Variants in IQUB observed in about 807,000 individuals in gnomAD.
IQUB encodes the protein IQ motif and ubiquitin domain containing.
In IQUB, 86 loss-of-function variants were observed where a neutral mutation model predicts 86.4. The observed-to-expected ratio is 1.00, with a 90% confidence interval of 0.84 to 1.19. The LOEUF is 1.19. Among genes scored for constraint, IQUB ranks in the 50% most tolerant of loss-of-function variants. The pLI is 0.00. For synonymous variants in IQUB, 289 were observed against 304.5 expected (o/e 0.95, Z 0.53); for missense variants, 946 against 916.9 (o/e 1.03, Z -0.41).
intron 1 of IQUB, among the ~76,000 whole-genome samples, chr7:123,525,658 G>C (rs1427972412): frequency 6.6e-6 from 1 of 151,998 alleles, no homozygotes; most frequent in African/African-American, 2.4e-5. Context: ...ACCAGCTCCT[G>C]GATTCATTAA....
chr7:123,502,490 T>C, intron 6 of IQUB, 107 bp downstream of exon 6: 1 of 929,838 alleles, frequency 1.1e-6, no homozygotes, highest in African/African-American at 1.7e-5. Context: ...CCCATACTCA[T>C]GAGCATTCTT....
At chr7:123,523,523 C>G (rs1442488860) in intron 1 of IQUB, among the ~76,000 whole-genome samples, 3 of 152,136 alleles carry the variant, frequency 2.0e-5, no homozygotes, top group African/African-American at 4.8e-5. Context: ...GTCTGTTCAT[C>G]TCCTTTGCCC....
intron 10 of IQUB, among the ~76,000 whole-genome samples, chr7:123,462,994 T>C (rs962690776): frequency 5.9e-5 from 9 of 151,684 alleles, no homozygotes; most frequent in African/African-American, 2.2e-4. Flanking sequence ...TCTCCCACTA[T>C]GCAAACTAAA....
At chr7:123,523,666 T>C (rs1277348269) in intron 1 of IQUB, among the ~76,000 whole-genome samples, 1 of 151,930 alleles carries the variant, frequency 6.6e-6, no homozygotes, top group African/African-American at 2.4e-5. Flanking sequence ...CTGTTCACTC[T>C]GATGGTAGTT....
At chr7:123,458,169 G>A (rs1487775436) in intron 11 of IQUB, 1 of 151,934 alleles carries the variant, frequency 6.6e-6, no homozygotes, top group Non-Finnish European at 1.5e-5. Flanking sequence ...TAATCAAAAA[G>A]AGGGGTAATG....
intron 10 of IQUB, chr7:123,462,816 A>AGAT (rs1231712931): frequency 6.6e-6 from 3 of 455,300 alleles, no homozygotes; most frequent in Middle Eastern, 3.2e-4. Flanking sequence ...TGCCATGGAA[A>AGAT]GATATTCTCC....
At chr7:123,504,512 T>C (rs1796091313) in intron 3 of IQUB, among the ~76,000 whole-genome samples, 2 of 152,042 alleles carry the variant, frequency 1.3e-5, no homozygotes, top group African/African-American at 4.8e-5. Context: ...GGAGCATGGC[T>C]GGGGAGGCCT....
rs1793971178 is a variant in IQUB at position 123,461,338 on chromosome 7, C to T, written c.2007+19G>A. The T allele has an allele frequency of 3.8e-6, 6 of 1,581,982 alleles. No homozygotes were observed. The East Asian group carries it at 1.1e-4, about 30-fold the overall frequency. On this transcript the variant is annotated intron_variant, in intron 11 of 12. Coordinates refer to ENST00000324698, the MANE Select transcript of IQUB (RefSeq NM_178827.5). ...CTTGACAAGCTTCAGCTATAATTGG[C>T]ACCCCTTATTGACCATACCTGCATC... is the stretch of plus-strand genomic sequence containing the variant.
At position 123,457,904 on chromosome 7, in the gene IQUB, C is replaced by T. The variant is rs546067696; in HGVS notation, c.2008-338G>A. ...GATCTTTAAAATTCATTAGTAAGTA[C>T]CATCTTAATTTCAGGGCCATTGTAG... is the stretch of plus-strand genomic sequence containing the variant. On this transcript the variant is annotated intron_variant, in intron 11 of 12. Transcript: ENST00000324698. 9 of 183,230 alleles carry T rather than the reference C, an allele frequency of 4.9e-5. No individual in the cohort carries two copies. In the South Asian group the frequency reaches 9.1e-4, roughly 19 times the overall value. The allele number at this position is 183,230 out of a possible 1,614,324, so 11.4% of individuals were successfully genotyped here.
intron 3 of IQUB, among the ~76,000 whole-genome samples, chr7:123,505,391 T>C (rs1796130795): frequency 6.6e-6 from 1 of 152,196 alleles, no homozygotes; most frequent in African/African-American, 2.4e-5. Flanking sequence ...TGCACCACCC[T>C]AGCAGAGGTT....
Position 123,464,825 on chromosome 7 carries a change from T to C in IQUB, c.1758+8A>G, listed in dbSNP as rs756418187. 3 of 1,520,438 alleles carry C rather than the reference T, an allele frequency of 2.0e-6. No individual in the cohort carries two copies. The highest frequency in any genetic ancestry group is 2.7e-6 in the Non-Finnish European group (3 of 1,125,436). 94.2% of individuals were successfully genotyped at this position (1,520,438 alleles called of 1,614,324 possible). A position where few individuals can be genotyped will look rare whatever the true frequency, so the allele number is the denominator to read the frequency against. On this transcript the variant is annotated splice_region_variant and intron_variant, in intron 10 of 12. Transcript: ENST00000324698. ...TGAAACAGGAATATAGAGAAAAATG[T>C]AGAATACCTTAAGGTATTTTGCAAC...
intron 3 of IQUB, 28 bp downstream of exon 3, chr7:123,509,873 G>A: frequency 1.9e-6 from 3 of 1,569,062 alleles, no homozygotes; most frequent in Non-Finnish European, 2.6e-6. Context: ...GAAAAGTCTT[G>A]ATATGTTTTA....
At chr7:123,481,034 TATTTAC>T (rs200018994) in intron 7 of IQUB, among the ~76,000 whole-genome samples, 2,746 of 152,204 alleles carry the variant, frequency 0.018, 33 homozygotes, top group Middle Eastern at 0.044. Context: ...ATGTCAACCT[TATTTAC>T]ATTAACAAAA....
rs1795724808 is a variant in IQUB, at chr7:123,496,783, T to C, written c.1147A>G (p.Lys383Glu). Residue 383 changes from lysine to glutamate, a missense_variant, in exon 7 of 13, where the codon AAA (lysine) becomes GAA (glutamate). Lys to Glu is a moderately conservative substitution (Grantham distance 56). Transcript: ENST00000324698. ...TQQELRKIREKEEWIKLDYHR... is the reference protein window; with the variant it reads ...TQQELRKIREEEEWIKLDYHR... Reference sequence around the variant, plus strand: ...TAGTCCAATTTTATCCATTCTTCTTTTTCTCTTATCTTCCTTAGTTCTTGC... The same window carrying C: ...TAGTCCAATTTTATCCATTCTTCTTCTTCTCTTATCTTCCTTAGTTCTTGC... 3 of 1,612,198 alleles carry C rather than the reference T, an allele frequency of 1.9e-6. No homozygotes were observed. The African/African-American group carries it at 4.0e-5, about 21-fold the overall frequency.
chr7:123,525,531 T>G (rs1403703452), intron 1 of IQUB, among the ~76,000 whole-genome samples: 2 of 152,202 alleles, frequency 1.3e-5, no homozygotes, highest in Non-Finnish European at 2.9e-5. Flanking sequence ...TGTATTTCTG[T>G]GGGATAGGTG....
In IQUB at chr7:123,457,519, T is replaced by C. The variant is rs1793760813; in HGVS notation, c.2055A>G (p.Ser685=). The change falls in exon 12 of 13, where the codon TCA becomes TCG. Residue 685 remains serine, a synonymous_variant. Coordinates refer to ENST00000324698, the MANE Select transcript of IQUB (RefSeq NM_178827.5). ...TGAGATTGTCGCAAGCACTGAGGACTGACTGGGACGCCCAGATGTTCTCTG... is the reference window on the plus strand; with the variant it reads ...TGAGATTGTCGCAAGCACTGAGGACCGACTGGGACGCCCAGATGTTCTCTG... ...YLTENIWASQ[S]VLSACDNLSD... 6.2e-7 allele frequency: 1 copy of C among 1,609,954 alleles called. No homozygotes were observed.
chr7:123,523,325 T>G (rs1326216371), intron 1 of IQUB, among the ~76,000 whole-genome samples: 1 of 139,028 alleles, frequency 7.2e-6, no homozygotes, highest in East Asian at 2.2e-4. Flanking sequence ...ACCAACAGTG[T>G]AAAAGTGTTC....
intron 1 of IQUB, among the ~76,000 whole-genome samples, chr7:123,526,374 A>T (rs2117361434): frequency 6.6e-6 from 1 of 152,098 alleles, no homozygotes; most frequent in Non-Finnish European, 1.5e-5. Flanking sequence ...TGCTTTATGA[A>T]TCTGGGTGCT....
intron 12 of IQUB, among the ~76,000 whole-genome samples, chr7:123,453,588 C>T (rs1238204558): frequency 6.6e-6 from 1 of 151,702 alleles, no homozygotes; most frequent in African/African-American, 2.4e-5. Flanking sequence ...CACTAAGAGC[C>T]CACCAAGCAT....
Sources: gnomAD v4.1 joint callset for allele counts (sites outside exome capture counted in the v4.1 genomes callset) on GRCh38, gnomAD v4.1.1 for gene constraint, MANE v1.5 for transcripts, NCBI Gene and HGNC (gene_info 2026-07-23, HGNC 2026-07-21) for gene names.